YJEFN3: variants seen among roughly 807,000 people sequenced by gnomAD.
YJEFN3 encodes the protein yjeF N-terminal domain-containing protein 3.
YJEFN3 carries 29 observed loss-of-function variants against 31.5 expected under a neutral mutation model. The ratio of observed to expected loss-of-function variants is 0.92; its 90% confidence interval spans 0.69 to 1.26. The LOEUF (loss-of-function observed/expected upper bound fraction) is 1.26, where lower values mean the gene tolerates loss of function less well. Among genes scored for constraint, YJEFN3 ranks in the 50% most tolerant of loss-of-function variants. The pLI is 0.00. For synonymous variants in YJEFN3, 227 were observed against 196.1 expected, an observed-to-expected ratio of 1.16 and a Z score of -1.32; for missense variants, 442 against 425.4, an observed-to-expected ratio of 1.04 and a Z score of -0.34.
At position 19,535,024 on chromosome 19, in the gene YJEFN3, C is replaced by T; in HGVS notation, c.319-10C>T. The T allele has an allele frequency of 1.3e-6, 2 of 1,584,232 alleles. No homozygotes were observed. Among genetic ancestry groups the T allele is most frequent in the Non-Finnish European group, 1.7e-6 (2 of 1,165,870 alleles). ...TGTGCCTGTGCCTTTGCTGTGTCCC[C>T]TACCACCAGGCGTTCCCGTTGCCCG... On this transcript the variant is annotated splice_polypyrimidine_tract_variant and intron_variant, in intron 3 of 6. Coordinates refer to ENST00000514277, the MANE Select transcript of YJEFN3 (RefSeq NM_198537.4).
chr19:19,533,484 C>G, intron 3 of YJEFN3: 1 of 906,068 alleles, frequency 1.1e-6, no homozygotes, highest in Non-Finnish European at 1.3e-6. Context: ...TTACCCTCCT[C>G]CTCCTTTCTC....
chr19:19,529,540 G>A (rs2061133389), intron 2 of YJEFN3, 27 bp downstream of exon 2: 1 of 1,606,504 alleles, frequency 6.2e-7, no homozygotes, highest in African/African-American at 1.3e-5. Flanking sequence ...TCTAGAACTG[G>A]CGCCGTGGCT....
Position 19,529,362 on chromosome 19 carries a change from A to G in YJEFN3, c.60-2A>G. 6.2e-7 allele frequency: 1 copy of G among 1,609,346 alleles called. No individual in the cohort carries two copies. The highest frequency in any genetic ancestry group is 8.5e-7 in the Non-Finnish European group (1 of 1,177,880). ...CCCACCCCCACTCTCCATCTCTCCCAGGGCCTTGGAGCTGCAGCCCCCACT... is the reference window on the plus strand; with the variant it reads ...CCCACCCCCACTCTCCATCTCTCCCGGGGCCTTGGAGCTGCAGCCCCCACT... On this transcript the variant is annotated splice_acceptor_variant, in intron 1 of 6. Coordinates refer to ENST00000514277, the MANE Select transcript of YJEFN3 (RefSeq NM_198537.4). LOFTEE classifies it high-confidence loss of function.
At chr19:19,530,367 A>G (rs1490535823) in intron 2 of YJEFN3, among the ~76,000 whole-genome samples, 3 of 151,692 alleles carry the variant, frequency 2.0e-5, no homozygotes, top group South Asian at 4.2e-4. Flanking sequence ...TCCAATTCCC[A>G]CGCAGCCTCC....
Position 19,533,724 on chromosome 19 carries a change from T to G in YJEFN3, c.318+984T>G, listed in dbSNP as rs562795487. On this transcript the variant is annotated intron_variant, in intron 3 of 6. Transcript: ENST00000514277. ...CTTCATGTGGACTTAAATGTTTGTATTTCCAAATGAAATAGATCCCGGGTG... is the reference window on the plus strand; with the variant it reads ...CTTCATGTGGACTTAAATGTTTGTAGTTCCAAATGAAATAGATCCCGGGTG... The G allele has an allele frequency of 1.1e-5, 11 of 985,448 alleles. No individual in the cohort carries two copies. In the African/African-American group the frequency reaches 1.9e-4, roughly 17 times the overall value. The allele number at this position is 985,448 out of a possible 1,614,324, so 61.0% of individuals were successfully genotyped here.
At chr19:19,533,852 C>T in intron 3 of YJEFN3, 1 of 985,496 alleles carries the variant, frequency 1.0e-6, no homozygotes, top group South Asian at 4.7e-5. Flanking sequence ...GCACTGAAAG[C>T]CCCTTGTCTG....
At chr19:19,533,285 CA>C (rs2061175929) in intron 3 of YJEFN3, 1 of 985,844 alleles carries the variant, frequency 1.0e-6, no homozygotes. Context: ...GTGCAGCCAG[CA>C]GTGCTGGGCA....
intron 2 of YJEFN3, among the ~76,000 whole-genome samples, chr19:19,532,316 C>T (rs952086311): frequency 2.8e-4 from 43 of 152,226 alleles, no homozygotes; most frequent in African/African-American, 9.9e-4. Context: ...GAGCTGGGGA[C>T]GTCTAGGTCC....
At chr19:19,529,188 C>T in intron 1 of YJEFN3, 176 bp from the exon 2 acceptor site, 2 of 1,448,768 alleles carry the variant, frequency 1.4e-6, no homozygotes, top group Non-Finnish European at 1.8e-6. Flanking sequence ...CCAAGACGGG[C>T]CTGGGAATCC....
At position 19,532,647 on chromosome 19, in the gene YJEFN3, C is replaced by A. The variant is rs2061169313; in HGVS notation, c.225C>A (p.Ala75=). ...CTGTCCCCAGCACCGCGGAGGCAGC[C>A]GCCCTGGAGCGGGAGCTGCTGGAGG... ...GPVCQSTAEA[A]ALERELLEDY... The change falls in exon 3 of 7, where the codon GCC becomes GCA. Residue 75 remains alanine (A), a synonymous_variant. Coordinates refer to ENST00000514277, the MANE Select transcript of YJEFN3 (RefSeq NM_198537.4). The A allele has an allele frequency of 4.5e-6, 7 of 1,558,102 alleles. No homozygotes were observed. The Admixed American group carries it at 1.1e-4, about 25-fold the overall frequency.
Position 19,532,632 on chromosome 19 carries a change from C to T in YJEFN3, c.210C>T (p.Ser70=), listed in dbSNP as rs1484344911. The change falls in exon 3 of 7, where the codon AGC becomes AGT. Residue 70 remains serine, a splice_region_variant and synonymous_variant. Coordinates refer to ENST00000514277, the MANE Select transcript of YJEFN3 (RefSeq NM_198537.4). ...QIWNAGPVCQ[S]TAEAAALERE... is the part of the protein sequence containing the mutation. ...GTGTCCCATCCCACTCTGTCCCCAG[C>T]ACCGCGGAGGCAGCCGCCCTGGAGC... is the stretch of plus-strand genomic sequence containing the variant. 4.5e-6 allele frequency: 7 copies of T among 1,545,224 alleles called. No homozygotes were observed. Among genetic ancestry groups the T allele is most frequent in the Non-Finnish European group, 6.1e-6 (7 of 1,150,742 alleles).
intron 2 of YJEFN3, among the ~76,000 whole-genome samples, chr19:19,530,443 C>T (rs1286290722): frequency 6.6e-6 from 1 of 151,720 alleles, no homozygotes; most frequent in East Asian, 1.9e-4. Context: ...ACCCTCTGCC[C>T]ACAGAGCCCC....
Position 19,529,409 on chromosome 19 carries a change from G to A in YJEFN3, c.105G>A (p.Glu35=), listed in dbSNP as rs755167234. The part of the protein sequence containing the change: ...QPPLADMGRA[E]LSSNATTSLV... ...CACTTGCCGACATGGGAAGAGCGGA[G>A]CTTAGCTCAAATGCTACCACCTCCC... Residue 35 remains glutamate (E), a synonymous_variant, in exon 2 of 7, where the codon GAG becomes GAA. Transcript: ENST00000514277. 2.5e-6 allele frequency: 4 copies of A among 1,614,178 alleles called. No individual in the cohort carries two copies. In the South Asian group the frequency reaches 3.3e-5, roughly 13 times the overall value.
At chr19:19,535,293 T>TGACC (rs745328280) in intron 4 of YJEFN3, 44 bp from the exon 5 acceptor site, 1 of 1,585,712 alleles carries the variant, frequency 6.3e-7, no homozygotes. Flanking sequence ...CTGGTGCTGG[T>TGACC]GACCAGGTCA....
intron 1 of YJEFN3, 166 bp from the exon 2 acceptor site, chr19:19,529,198 C>T (rs1260596318): frequency 6.9e-7 from 1 of 1,447,152 alleles, no homozygotes; most frequent in Non-Finnish European, 9.1e-7. Flanking sequence ...CCTGGGAATC[C>T]CGGGAATCCG....
chr19:19,536,239 A>G (rs1259859382), intron 6 of YJEFN3, among the ~76,000 whole-genome samples: 2 of 152,184 alleles, frequency 1.3e-5, no homozygotes, highest in Admixed American at 1.3e-4. Flanking sequence ...GGGGATGGTT[A>G]GGAACCTCTA....
At chr19:19,533,929 C>T in intron 3 of YJEFN3, 1 of 985,550 alleles carries the variant, frequency 1.0e-6, no homozygotes, top group Non-Finnish European at 1.2e-6. Flanking sequence ...GGATCGCAGG[C>T]ATGTTCATGG....
In YJEFN3 at chr19:19,535,582, C is replaced by T. The variant is rs372809029; in HGVS notation, c.597C>T (p.Pro199=). 2.6e-5 allele frequency: 41 copies of T among 1,580,974 alleles called. No individual in the cohort carries two copies. Among genetic ancestry groups the T allele is most frequent in the Middle Eastern group, 1.7e-4 (1 of 5,910 alleles). Residue 199 remains proline (P), a synonymous_variant, in exon 6 of 7, where the codon CCC becomes CCT. Transcript: ENST00000514277. ...TGGTGGTGGATGCCGTACTGGGCCC[C>T]GGCGTGGAGCCGGGCGAGGTCGGGG... ...YGLVVDAVLG[P]GVEPGEVGGP...
At chr19:19,536,538 G>A (rs980659664) in intron 6 of YJEFN3, among the ~76,000 whole-genome samples, 1 of 151,862 alleles carries the variant, frequency 6.6e-6, no homozygotes, top group Admixed American at 6.6e-5. Flanking sequence ...CATTTGCTGG[G>A]TGTAGTGGTG....
Sources: allele counts gnomAD v4.1 joint callset (sites outside exome capture counted in the v4.1 genomes callset), GRCh38; gene constraint gnomAD v4.1.1; transcripts MANE v1.5; gene names NCBI Gene and HGNC (gene_info 2026-07-23, HGNC 2026-07-21).